The following SCMH1 variants were observed in gnomAD, a reference collection of about 807,000 sequenced individuals.
SCMH1 encodes Scm polycomb group protein homolog 1, also known as polycomb protein SCMH1.
SCMH1 carries 37 observed loss-of-function variants against 70.8 expected under a neutral mutation model. That is an observed-to-expected ratio of 0.52 (90% CI 0.40 to 0.69). The LOEUF (loss-of-function observed/expected upper bound fraction) is 0.69. SCMH1 is among the 30% of genes least tolerant of loss of function. SCMH1 has a pLI of 0.00. For missense variants in SCMH1, 607 were observed against 827.3 expected (o/e 0.73, Z 3.27); for synonymous variants, 292 against 307.4 (o/e 0.95, Z 0.52).
intron 4 of SCMH1, among the ~76,000 whole-genome samples, chr1:41,157,628 G>C (rs1297712003): frequency 6.6e-6 from 1 of 152,194 alleles, no homozygotes; most frequent in East Asian, 1.9e-4. Context: ...CTGGATTTGG[G>C]AGGCTTCACA....
chr1:41,163,350 A>G (rs1285591223), intron 2 of SCMH1, among the ~76,000 whole-genome samples: 1 of 152,148 alleles, frequency 6.6e-6, no homozygotes, highest in Non-Finnish European at 1.5e-5. Flanking sequence ...TCTCTCTTGG[A>G]GGCGTGAGAT....
intron 1 of SCMH1, among the ~76,000 whole-genome samples, chr1:41,199,389 A>G (rs1420192956): frequency 6.6e-6 from 1 of 152,136 alleles, no homozygotes; most frequent in African/African-American, 2.4e-5. Context: ...TATAAATGAA[A>G]TCATATCATA....
chr1:41,146,074 C>T (rs190203609), intron 5 of SCMH1, among the ~76,000 whole-genome samples: 46 of 152,240 alleles, frequency 3.0e-4, no homozygotes, highest in Admixed American at 2.9e-3. Flanking sequence ...TAGGAGATTA[C>T]AGCTCCATCC....
intron 12 of SCMH1, chr1:41,043,185 C>T (rs1443896883): frequency 6.6e-6 from 1 of 152,078 alleles, no homozygotes; most frequent in Non-Finnish European, 1.5e-5. Context: ...CCTCTGCCTC[C>T]TGGGTTCAAG....
intron 8 of SCMH1, among the ~76,000 whole-genome samples, chr1:41,089,378 T>C (rs1365836164): frequency 6.6e-6 from 1 of 152,248 alleles, no homozygotes; most frequent in African/African-American, 2.4e-5. Context: ...ACCTTGGAGT[T>C]GTCCTTGACC....
At chr1:41,105,276 T>C (rs976693614) in intron 8 of SCMH1, among the ~76,000 whole-genome samples, 1 of 152,188 alleles carries the variant, frequency 6.6e-6, no homozygotes, top group Non-Finnish European at 1.5e-5. Flanking sequence ...AAATAGCTTT[T>C]AATAATCTGT....
At chr1:41,169,180 T>C (rs1248599730) in intron 2 of SCMH1, among the ~76,000 whole-genome samples, 2 of 152,204 alleles carry the variant, frequency 1.3e-5, no homozygotes, top group African/African-American at 4.8e-5. Flanking sequence ...AGCTTGTCCC[T>C]TGGGTGGAAG....
At chr1:41,142,257 G>C (rs761673392) in intron 6 of SCMH1, among the ~76,000 whole-genome samples, 3 of 151,818 alleles carry the variant, frequency 2.0e-5, no homozygotes, top group Non-Finnish European at 4.4e-5. Context: ...TAACTCTCTC[G>C]GTCCCCCATT....
chr1:41,052,274 G>A (rs935003927), intron 10 of SCMH1, among the ~76,000 whole-genome samples: 4 of 152,256 alleles, frequency 2.6e-5, no homozygotes, highest in African/African-American at 9.6e-5. Context: ...CAGCAGGCGA[G>A]TGAGCATTAC....
intron 2 of SCMH1, among the ~76,000 whole-genome samples, chr1:41,183,338 A>G (rs1322361516): frequency 6.6e-6 from 1 of 152,152 alleles, no homozygotes; most frequent in African/African-American, 2.4e-5. Context: ...ACATGTCACT[A>G]CCCCATTTAA....
chr1:41,198,451 C>T (rs187954000), intron 1 of SCMH1, among the ~76,000 whole-genome samples: 1 of 152,302 alleles, frequency 6.6e-6, no homozygotes, highest in East Asian at 1.9e-4. Context: ...ATTTTATATC[C>T]TACACATTGT....
chr1:41,160,839 C>G (rs181465806), intron 4 of SCMH1, 36 bp downstream of exon 4: 1 of 1,539,166 alleles, frequency 6.5e-7, no homozygotes, highest in Non-Finnish European at 8.8e-7. Context: ...TTACCAATTC[C>G]CCTTATTTAA....
At position 41,167,907 on chromosome 1, in the gene SCMH1, G is replaced by GTT. The variant is rs202043541; in HGVS notation, c.14-6477_14-6476dup. On this transcript the variant is annotated intron_variant, in intron 2 of 14. Coordinates refer to ENST00000337495, the Ensembl canonical transcript of SCMH1. ...GGGTATAGTATGCTTTGCTGGCAGT[G>GTT]TTTTGTTTTTTTTTTTTTTTTCCTT... 1.8e-4 allele frequency among the ~76,000 whole-genome samples: 9 copies of GTT among 49,692 alleles called. 3 individuals are homozygous for GTT. The highest frequency in any genetic ancestry group is 5.2e-4 in the East Asian group (1 of 1,916). The allele number at this position is 49,692 out of a possible 152,430, so 32.6% of individuals were successfully genotyped here. A position where few individuals can be genotyped will look rare whatever the true frequency, so the allele number is the denominator to read the frequency against.
Position 41,171,843 on chromosome 1 carries a change from A to G in SCMH1, c.14-10411T>C, listed in dbSNP as rs971532932. Among the ~76,000 whole-genome samples the G allele has an allele frequency of 2.6e-5, 4 of 152,358 alleles. No individual in the cohort carries two copies. In the South Asian group the frequency reaches 8.3e-4, roughly 32 times the overall value. ...AAAATTTTAAAGTTTCTTGAAACAA[A>G]TGAAAATAGAAACGTAACATACCCA... On this transcript the variant is annotated intron_variant, in intron 2 of 14. Transcript: ENST00000337495.
intron 8 of SCMH1, among the ~76,000 whole-genome samples, chr1:41,080,770 A>T (rs533591460): frequency 2.0e-5 from 3 of 152,172 alleles, no homozygotes; most frequent in Non-Finnish European, 4.4e-5. Context: ...GAATTTCCTT[A>T]GTCTAGATAA....
At chr1:41,085,276 T>C (rs1206449645) in intron 8 of SCMH1, among the ~76,000 whole-genome samples, 2 of 151,922 alleles carry the variant, frequency 1.3e-5, no homozygotes, top group African/African-American at 4.8e-5. Context: ...TTAATAGGTC[T>C]AAGAAAAAAA....
At chr1:41,074,974 T>C (rs780463264) in intron 9 of SCMH1, among the ~76,000 whole-genome samples, 16 of 152,216 alleles carry the variant, frequency 1.1e-4, no homozygotes, top group East Asian at 7.7e-4. Context: ...GTCATTCTCC[T>C]GCCTCAGCCT....
chr1:41,200,612 C>G (rs1292598797), intron 1 of SCMH1, among the ~76,000 whole-genome samples: 1 of 151,414 alleles, frequency 6.6e-6, no homozygotes, highest in Admixed American at 6.6e-5. Flanking sequence ...CACACGCACA[C>G]ATAAACATAC....
chr1:41,107,218 G>A (rs898069447), intron 8 of SCMH1, among the ~76,000 whole-genome samples: 1 of 151,806 alleles, frequency 6.6e-6, no homozygotes, highest in Non-Finnish European at 1.5e-5. Flanking sequence ...GCTCAAGGGA[G>A]GTTATAGAGA....
Sources: gnomAD v4.1 joint callset for allele counts (sites outside exome capture counted in the v4.1 genomes callset) on GRCh38, gnomAD v4.1.1 for gene constraint, MANE v1.5 for transcripts, NCBI Gene and HGNC (gene_info 2026-07-23, HGNC 2026-07-21) for gene names.